Variants in ATP8A2 observed in about 807,000 individuals in gnomAD.
ATP8A2 encodes the protein ATPase phospholipid transporting 8A2, also known as phospholipid-transporting ATPase IB.
Under a neutral mutation model 165.6 loss-of-function variants are expected in ATP8A2, and 100 were observed. That is an observed-to-expected ratio of 0.60 (90% CI 0.51 to 0.71). ATP8A2 has a LOEUF of 0.71. ATP8A2 is among the 30% of genes least tolerant of loss of function. The pLI is 0.00. For missense variants in ATP8A2, 1,227 were observed against 1,479.5 expected (o/e 0.83, Z 2.80); for synonymous variants, 543 against 548.8 (o/e 0.99, Z 0.15).
rs183586908 is a variant in ATP8A2, at chr13:25,641,931, C to G, written c.2211+52232C>G. Among the ~76,000 whole-genome samples the G allele has an allele frequency of 5.0e-3, 765 of 152,200 alleles. 14 individuals are homozygous for G. Among genetic ancestry groups the G allele is most frequent in the Non-Finnish European group, 6.2e-3 (419 of 68,004 alleles). On this transcript the variant is annotated intron_variant, in intron 24 of 36. Coordinates refer to ENST00000381655, the MANE Select transcript of ATP8A2 (RefSeq NM_016529.6). ...TCGACCAATGGAACAGAACAGAGCC[C>G]TGAGAAATAATACCACACCTCTACA... is the stretch of plus-strand genomic sequence containing the variant.
intron 35 of ATP8A2, among the ~76,000 whole-genome samples, chr13:25,979,161 A>G (rs1015030504): frequency 1.3e-5 from 2 of 152,214 alleles, no homozygotes; most frequent in African/African-American, 2.4e-5. Flanking sequence ...CAGTTAGGTC[A>G]CGGGTGAATG....
Position 25,691,025 on chromosome 13 carries a change from A to G in ATP8A2, c.2212-8148A>G, listed in dbSNP as rs535643061. 6.6e-5 allele frequency among the ~76,000 whole-genome samples: 10 copies of G among 152,330 alleles called. No individual in the cohort carries two copies. The South Asian group carries it at 1.5e-3, about 22-fold the overall frequency. The stretch of plus-strand genomic sequence containing the variant: ...AATACTGCTTGGCAACAGAAATAAT[A>G]AAGTATTGACATGTGCATTAATATT... On this transcript the variant is annotated intron_variant, in intron 24 of 36. Coordinates refer to ENST00000381655, the MANE Select transcript of ATP8A2 (RefSeq NM_016529.6).
intron 2 of ATP8A2, among the ~76,000 whole-genome samples, chr13:25,512,416 G>A (rs1470683649): frequency 6.6e-6 from 1 of 152,046 alleles, no homozygotes; most frequent in African/African-American, 2.4e-5. Context: ...AGACGGGGTG[G>A]TGGCCGGGCA....
At chr13:26,010,253 T>C (rs1304179832) in intron 35 of ATP8A2, among the ~76,000 whole-genome samples, 1 of 152,156 alleles carries the variant, frequency 6.6e-6, no homozygotes, top group East Asian at 1.9e-4. Context: ...CCAACATGTA[T>C]AATTTCAATG....
At chr13:25,764,013 G>A (rs1208325406) in intron 25 of ATP8A2, among the ~76,000 whole-genome samples, 1 of 152,052 alleles carries the variant, frequency 6.6e-6, no homozygotes, top group Non-Finnish European at 1.5e-5. Context: ...AAAAGAAGAT[G>A]TTATATTTTA....
chr13:25,564,111 A>C, intron 16 of ATP8A2, 80 bp downstream of exon 16: 1 of 1,050,890 alleles, frequency 9.5e-7, no homozygotes, highest in South Asian at 1.3e-5. Flanking sequence ...AGTATTTTGC[A>C]AGTTGCAGTT....
intron 33 of ATP8A2, among the ~76,000 whole-genome samples, chr13:25,864,061 C>T (rs1311807408): frequency 1.3e-5 from 2 of 152,226 alleles, no homozygotes; most frequent in Non-Finnish European, 2.9e-5. Context: ...GTATCCACTA[C>T]AAGACAACGA....
At chr13:25,851,704 G>T (rs1952013114) in intron 30 of ATP8A2, among the ~76,000 whole-genome samples, 1 of 152,034 alleles carries the variant, frequency 6.6e-6, no homozygotes, top group African/African-American at 2.4e-5. Flanking sequence ...TAGTCTTAAG[G>T]GTTCCCCTCC....
At chr13:25,557,356 T>C (rs2039011052) in intron 13 of ATP8A2, among the ~76,000 whole-genome samples, 1 of 152,124 alleles carries the variant, frequency 6.6e-6, no homozygotes. Flanking sequence ...TCCTCATTTT[T>C]TTTTCTTTTT....
intron 28 of ATP8A2, among the ~76,000 whole-genome samples, chr13:25,831,747 A>G (rs1242527908): frequency 6.6e-6 from 1 of 150,770 alleles, no homozygotes; most frequent in South Asian, 2.1e-4. Flanking sequence ...GGAGGCTGAG[A>G]CAGGAGAATT....
intron 33 of ATP8A2, among the ~76,000 whole-genome samples, chr13:25,946,603 T>C (rs748909934): frequency 6.6e-6 from 1 of 152,158 alleles, no homozygotes; most frequent in Non-Finnish European, 1.5e-5. Flanking sequence ...GGAATGCCTC[T>C]AACAGAGGGG....
At chr13:25,387,845 C>T (rs934074740) in intron 1 of ATP8A2, among the ~76,000 whole-genome samples, 1 of 152,016 alleles carries the variant, frequency 6.6e-6, no homozygotes, top group Non-Finnish European at 1.5e-5. Flanking sequence ...AGGTGGATCA[C>T]CTGAGGTCAG....
intron 24 of ATP8A2, among the ~76,000 whole-genome samples, chr13:25,605,714 G>GAGATATT (rs2040498738): frequency 6.6e-6 from 1 of 152,088 alleles, no homozygotes; most frequent in South Asian, 2.1e-4. Context: ...CTAATATGTA[G>GAGATATT]CTGCAGCTCG....
intron 5 of ATP8A2, 86 bp downstream of exon 5, chr13:25,532,403 G>A: frequency 7.1e-6 from 6 of 844,540 alleles, no homozygotes; most frequent in East Asian, 2.6e-5. Context: ...AGTAGTGAAT[G>A]GTATTGAGAT....
At chr13:25,414,315 C>T (rs973032972) in intron 1 of ATP8A2, among the ~76,000 whole-genome samples, 22 of 151,816 alleles carry the variant, frequency 1.4e-4, no homozygotes, top group African/African-American at 4.4e-4. Flanking sequence ...CCCAGCCTCC[C>T]GAGCAGCTGG....
In ATP8A2 at chr13:25,814,701, CCTTA is replaced by C. The variant is rs777152775; in HGVS notation, c.2680-13412_2680-13409del. The stretch of plus-strand genomic sequence containing the variant: ...CAGATGCAAAATAATGAAGTTGGAC[CCTTA>C]CTTAACACCATATGAAAAAGATAAT... On this transcript the variant is annotated intron_variant, in intron 27 of 36. Transcript: ENST00000381655. 7.9e-5 allele frequency among the ~76,000 whole-genome samples: 12 copies of C among 151,286 alleles called. No individual in the cohort carries two copies. The East Asian group carries it at 1.9e-3, about 24-fold the overall frequency.
At chr13:25,742,159 C>T (rs1168304959) in intron 25 of ATP8A2, among the ~76,000 whole-genome samples, 3 of 152,088 alleles carry the variant, frequency 2.0e-5, no homozygotes, top group Admixed American at 6.6e-5. Context: ...ACCTATACGA[C>T]GTTACTGTTC....
intron 1 of ATP8A2, among the ~76,000 whole-genome samples, chr13:25,374,648 G>T (rs2032551919): frequency 6.6e-6 from 1 of 152,278 alleles, no homozygotes; most frequent in South Asian, 2.1e-4. Context: ...AGAGGGGTCG[G>T]GTTGTGAGGG....
intron 25 of ATP8A2, among the ~76,000 whole-genome samples, chr13:25,704,130 A>G (rs746798287): frequency 3.9e-5 from 6 of 152,182 alleles, no homozygotes; most frequent in Non-Finnish European, 7.3e-5. Flanking sequence ...AAAGAAAAAT[A>G]AAGAGTCTGA....
Sources: allele counts gnomAD v4.1 joint callset (sites outside exome capture counted in the v4.1 genomes callset), GRCh38; gene constraint gnomAD v4.1.1; transcripts MANE v1.5; gene names NCBI Gene and HGNC (gene_info 2026-07-23, HGNC 2026-07-21).